Variants in TUT7 observed in about 807,000 individuals in gnomAD.
The protein encoded by TUT7 is terminal uridylyl transferase 7, also known as terminal uridylyltransferase 7.
In TUT7, 33 loss-of-function variants were observed where a neutral mutation model predicts 165.9. The ratio of observed to expected loss-of-function variants is 0.20; its 90% CI spans 0.15 to 0.27. The LOEUF (loss-of-function observed/expected upper bound fraction) is 0.27, where lower values mean the gene tolerates loss of function less well. Among genes scored for constraint, TUT7 ranks in the 10% least tolerant of loss-of-function variants. TUT7 has a pLI of 1.00. For synonymous variants in TUT7, 552 were observed against 608.1 expected (o/e 0.91, Z 1.36); for missense variants, 1,338 against 1,762.3 (o/e 0.76, Z 4.31).
At chr9:86,318,522 A>G (rs1291453311) in intron 16 of TUT7, among the ~76,000 whole-genome samples, 1 of 152,222 alleles carries the variant, frequency 6.6e-6, no homozygotes, top group Admixed American at 6.5e-5. Flanking sequence ...TTTACCAAAG[A>G]CCACATGTTT....
At chr9:86,339,038 T>A in intron 8 of TUT7, 89 bp from the exon 9 acceptor site, 1 of 1,156,560 alleles carries the variant, frequency 8.6e-7, no homozygotes, top group South Asian at 3.0e-5. Context: ...CAACAACTAA[T>A]ATACATGCAT....
intron 19 of TUT7, 135 bp from the exon 20 acceptor site, chr9:86,309,711 T>TC: frequency 1.1e-6 from 1 of 907,644 alleles, no homozygotes; most frequent in South Asian, 1.5e-5. Flanking sequence ...GCAAAACCAA[T>TC]CCAACCTAGC....
In TUT7 at chr9:86,322,481, G is replaced by A. The variant is rs772799045; in HGVS notation, c.2878-6C>T. The A allele has an allele frequency of 1.3e-6, 2 of 1,599,026 alleles. No homozygotes were observed. The highest frequency in any genetic ancestry group is 1.7e-6 in the Non-Finnish European group (2 of 1,175,656). On this transcript the variant is annotated splice_region_variant and splice_polypyrimidine_tract_variant and intron_variant, in intron 13 of 26. Transcript: ENST00000375963. ...CTGCACACTACCGTAGGAGACTGCAGGAATATGGCAAAGCAAAACAAGACT... is the reference window on the plus strand; with the variant it reads ...CTGCACACTACCGTAGGAGACTGCAAGAATATGGCAAAGCAAAACAAGACT...
In TUT7 at chr9:86,301,454, T is replaced by G. The variant is rs1587860733; in HGVS notation, c.4242A>C (p.Thr1414=). 1.2e-6 allele frequency: 2 copies of G among 1,614,182 alleles called. No individual in the cohort carries two copies. Among genetic ancestry groups the G allele is most frequent in the Non-Finnish European group, 1.7e-6 (2 of 1,180,024 alleles). ...STKEDKPIQC[T]PQKAKPMRAA... ...CCCGCATTGGCTTGGCTTTCTGAGGTGTGCACTGTATGGGCTTATCTTCTT... is the reference window on the plus strand; with the variant it reads ...CCCGCATTGGCTTGGCTTTCTGAGGGGTGCACTGTATGGGCTTATCTTCTT... The change falls in exon 26 of 27, where the codon ACA becomes ACC. Residue 1414 remains threonine, a synonymous_variant. Coordinates refer to ENST00000375963, the MANE Select transcript of TUT7 (RefSeq NM_024617.4).
intron 24 of TUT7, 139 bp downstream of exon 24, chr9:86,304,717 G>T: frequency 1.9e-6 from 1 of 523,874 alleles, no homozygotes; most frequent in Non-Finnish European, 3.3e-6. Context: ...GGGGGGCTCT[G>T]GGAATCATTC....
At chr9:86,331,417 T>C (rs1830303104) in intron 10 of TUT7, among the ~76,000 whole-genome samples, 1 of 152,234 alleles carries the variant, frequency 6.6e-6, no homozygotes, top group Non-Finnish European at 1.5e-5. Flanking sequence ...TGATTTTTTG[T>C]TTAGCTAACA....
intron 26 of TUT7, among the ~76,000 whole-genome samples, chr9:86,297,670 G>A (rs1051451898): frequency 1.2e-4 from 18 of 152,096 alleles, no homozygotes; most frequent in Non-Finnish European, 2.1e-4. Context: ...TCTACAAATC[G>A]GGAGGCTGAG....
intron 25 of TUT7, 66 bp downstream of exon 25, chr9:86,303,020 C>T: frequency 1.4e-6 from 1 of 697,858 alleles, no homozygotes; most frequent in Non-Finnish European, 2.4e-6. Flanking sequence ...TATAATAGTA[C>T]CTCATTTAAA....
chr9:86,318,757 A>G (rs700759), intron 16 of TUT7, among the ~76,000 whole-genome samples: 109,636 of 152,134 alleles, frequency 0.72, 39,659 homozygotes, highest in Non-Finnish European at 0.73. Flanking sequence ...TTTGCTACAG[A>G]GTGAAAGTAT....
chr9:86,309,072 C>T, intron 21 of TUT7, 140 bp downstream of exon 21: 2 of 565,350 alleles, frequency 3.5e-6, no homozygotes, highest in South Asian at 4.8e-5. Context: ...TCAAAGAAAG[C>T]ATCTGAAAAC....
intron 6 of TUT7, among the ~76,000 whole-genome samples, chr9:86,342,043 G>A (rs1161707826): frequency 1.3e-5 from 2 of 152,170 alleles, no homozygotes; most frequent in East Asian, 3.8e-4. Flanking sequence ...GCTATGGCTG[G>A]TAAATCACTG....
intron 14 of TUT7, among the ~76,000 whole-genome samples, chr9:86,320,392 A>C (rs1343267958): frequency 6.6e-6 from 1 of 152,200 alleles, no homozygotes; most frequent in Non-Finnish European, 1.5e-5. Context: ...TTTCTTTTGT[A>C]AAACTTTAAG....
chr9:86,293,636 A>C (rs1301373179), intron 26 of TUT7, among the ~76,000 whole-genome samples: 1 of 152,250 alleles, frequency 6.6e-6, no homozygotes, highest in African/African-American at 2.4e-5. Flanking sequence ...GAATATTGGC[A>C]TCACTGTCAA....
In TUT7 at chr9:86,288,598, T is replaced by C. The variant is rs946023947; in HGVS notation, c.*79A>G. The C allele has an allele frequency of 4.4e-5, 47 of 1,079,244 alleles. No individual in the cohort carries two copies. The highest frequency in any genetic ancestry group is 6.7e-5 in the Non-Finnish European group (47 of 701,936). The allele number at this position is 1,079,244 out of a possible 1,614,324, so 66.9% of individuals were successfully genotyped here. On this transcript the variant is annotated 3_prime_UTR_variant, in exon 27 of 27. Transcript: ENST00000375963. ...AGTTGAAGCCTGATCTACACTGCTG[T>C]GTCCTGTGAAATGAACCTAATTTTC...
At position 86,325,654 on chromosome 9, in the gene TUT7, T is replaced by C. The variant is rs147684565; in HGVS notation, c.1609-140A>G. 912 of 726,602 alleles carry C rather than the reference T, an allele frequency of 1.3e-3. 6 individuals are homozygous for C. The African/African-American group carries it at 0.014, about 11-fold the overall frequency. The allele number at this position is 726,602 out of a possible 1,614,324, so 45.0% of individuals were successfully genotyped here. A position where few individuals can be genotyped will look rare whatever the true frequency, so the allele number is the denominator to read the frequency against. ...AAGCCTGACAATCCATCTAGATAAATCAATTCTAACTTCTATTTTGTTTGT... is the reference window on the plus strand; with the variant it reads ...AAGCCTGACAATCCATCTAGATAAACCAATTCTAACTTCTATTTTGTTTGT... On this transcript the variant is annotated intron_variant, in intron 11 of 26. Transcript: ENST00000375963.
rs763427961 is a variant in TUT7, at chr9:86,319,660, A to G, written c.3039T>C (p.Ser1013=). 2 of 1,605,064 alleles carry G rather than the reference A, an allele frequency of 1.2e-6. No homozygotes were observed. Among genetic ancestry groups the G allele is most frequent in the Admixed American group, 3.4e-5 (2 of 58,750 alleles). Residue 1013 remains serine (S), a synonymous_variant, in exon 15 of 27, where the codon TCT becomes TCC. Transcript: ENST00000375963. ...GAGCCTGATCTTCTATAATTGTTGG[A>G]GAAAAATCCTCTGTTTAAAAATAAA... ...QVCIQCYKDF[S]PTIIEDQARE... is the part of the protein sequence containing the mutation.
At chr9:86,343,422 C>T (rs1389929241) in intron 5 of TUT7, among the ~76,000 whole-genome samples, 7 of 152,044 alleles carry the variant, frequency 4.6e-5, no homozygotes, top group Non-Finnish European at 7.4e-5. Context: ...CAAATTGCTA[C>T]GTTATCATGT....
chr9:86,325,872 C>G (rs928340801), intron 11 of TUT7, among the ~76,000 whole-genome samples: 3 of 152,190 alleles, frequency 2.0e-5, no homozygotes, highest in Admixed American at 6.5e-5. Flanking sequence ...GTTACTGCTG[C>G]TGGAGGCACC....
intron 18 of TUT7, 125 bp downstream of exon 18, chr9:86,310,581 G>A (rs1827957074): frequency 6.5e-6 from 4 of 617,740 alleles, no homozygotes; most frequent in Middle Eastern, 3.6e-4. Flanking sequence ...CAGCAAGTAA[G>A]CATAATAACT....
Sources: gnomAD v4.1 joint callset for allele counts (sites outside exome capture counted in the v4.1 genomes callset) on GRCh38, gnomAD v4.1.1 for gene constraint, MANE v1.5 for transcripts, NCBI Gene and HGNC (gene_info 2026-07-23, HGNC 2026-07-21) for gene names.